Variants in RTL9 observed in about 807,000 individuals in gnomAD.
RTL9 encodes retrotransposon Gag like 9, also known as retrotransposon Gag-like protein 9.
Under a neutral mutation model 44.7 loss-of-function variants are expected in RTL9, and 19 were observed. The ratio of observed to expected loss-of-function variants is 0.42; its 90% CI spans 0.30 to 0.62. The LOEUF (loss-of-function observed/expected upper bound fraction) is 0.62. Among genes scored for constraint, RTL9 ranks in the 20% least tolerant of loss-of-function variants. The pLI is 0.16. For synonymous variants in RTL9, 407 were observed against 398.9 expected (o/e 1.02, Z -0.24); for missense variants, 1,105 against 1,080.6 (o/e 1.02, Z -0.32).
chrX:110,427,880 G>C (rs1437723158), intron 1 of RTL9, among the ~76,000 whole-genome samples: 1 of 111,534 alleles, frequency 9.0e-6, no homozygotes, highest in African/African-American at 3.3e-5. Flanking sequence ...TCCCACTGCT[G>C]TGCCCATCCC....
At chrX:110,405,734 A>G (rs909812002) in intron 1 of RTL9, among the ~76,000 whole-genome samples, 1 of 111,462 alleles carries the variant, frequency 9.0e-6, no homozygotes, top group African/African-American at 3.3e-5. Flanking sequence ...CTCAATTTCC[A>G]TAGGAGGAAA....
chrX:110,440,539 G>A (rs145806977), intron 1 of RTL9, among the ~76,000 whole-genome samples: 1,278 of 111,770 alleles, frequency 0.011, 14 homozygotes, highest in Non-Finnish European at 0.018. Context: ...GAAGTTGGTG[G>A]CAGTGTCAGA....
chrX:110,391,921 A>G (rs1245468622), intron 1 of RTL9, among the ~76,000 whole-genome samples: 1 of 112,401 alleles, frequency 8.9e-6, no homozygotes. Context: ...AATGTGAAAA[A>G]ATAATATGCT....
chrX:110,446,816 T>G (rs1298680018), upstream of RTL9, among the ~76,000 whole-genome samples: 1 of 112,073 alleles, frequency 8.9e-6, no homozygotes, highest in Non-Finnish European at 1.9e-5. Context: ...TGTTCTAACA[T>G]TAGACACTTA....
chrX:110,427,081 C>G (rs775040138), intron 1 of RTL9, among the ~76,000 whole-genome samples: 51 of 112,056 alleles, frequency 4.6e-4, no homozygotes, highest in African/African-American at 1.5e-3. Context: ...CCTAAGCATT[C>G]CTTGCATGTC....
intron 1 of RTL9, among the ~76,000 whole-genome samples, chrX:110,405,101 C>CG (rs1556161295): frequency 1.0e-5 from 1 of 96,173 alleles, no homozygotes; most frequent in Non-Finnish European, 2.1e-5. Context: ...CCCCCCCCCC[C>CG]AAGCATGAGT....
intron 1 of RTL9, among the ~76,000 whole-genome samples, chrX:110,398,412 C>T (rs2148293825): frequency 8.9e-6 from 1 of 112,460 alleles, no homozygotes; most frequent in East Asian, 2.8e-4. Context: ...TGCCCTTCTT[C>T]CCATTAAAAA....
intron 1 of RTL9, among the ~76,000 whole-genome samples, chrX:110,389,991 G>A (rs988102961): frequency 8.9e-6 from 1 of 111,866 alleles, no homozygotes; most frequent in African/African-American, 3.2e-5. Flanking sequence ...TATTGGAAGT[G>A]TGTGAAGTGT....
At chrX:110,397,601 A>G (rs2068536353) in intron 1 of RTL9, among the ~76,000 whole-genome samples, 1 of 111,039 alleles carries the variant, frequency 9.0e-6, no homozygotes, top group Non-Finnish European at 1.9e-5. Flanking sequence ...AAAGAGACAC[A>G]GTCACTGCTG....
At chrX:110,382,918 C>T (rs1201004682) in intron 1 of RTL9, among the ~76,000 whole-genome samples, 1 of 112,002 alleles carries the variant, frequency 8.9e-6, no homozygotes, top group Non-Finnish European at 1.9e-5. Flanking sequence ...TACTCTCTTG[C>T]TTATAAACCT....
At chrX:110,385,363 ATC>A (rs2068447996) in intron 1 of RTL9, among the ~76,000 whole-genome samples, 1 of 111,858 alleles carries the variant, frequency 8.9e-6, no homozygotes, top group Non-Finnish European at 1.9e-5. Flanking sequence ...TGTGAATTAT[ATC>A]TCAATAAATT....
At chrX:110,397,971 C>T (rs375115962) in intron 1 of RTL9, among the ~76,000 whole-genome samples, 31 of 112,367 alleles carry the variant, frequency 2.8e-4, no homozygotes, top group African/African-American at 9.7e-4. Flanking sequence ...GGGTGGAGCA[C>T]GAACCCGCTT....
intron 1 of RTL9, among the ~76,000 whole-genome samples, chrX:110,378,170 G>A (rs1037248308): frequency 9.0e-6 from 1 of 111,245 alleles, no homozygotes; most frequent in South Asian, 3.8e-4. Flanking sequence ...GCTCAGCTTT[G>A]GGGCTGTAAA....
chrX:110,364,390 A>C (rs1231476330), intron 1 of RTL9, among the ~76,000 whole-genome samples: 1 of 111,015 alleles, frequency 9.0e-6, no homozygotes, highest in Non-Finnish European at 1.9e-5. Context: ...ACACAATTCA[A>C]CCCACTATGT....
chrX:110,441,394 G>A (rs2068878814), intron 1 of RTL9, among the ~76,000 whole-genome samples: 1 of 111,919 alleles, frequency 8.9e-6, no homozygotes, highest in South Asian at 3.7e-4. Flanking sequence ...TAGGCACTAT[G>A]AGCTTCATGT....
exon 1 of RTL9, chrX:110,452,991 G>C: frequency 5.0e-6 from 6 of 1,211,557 alleles, no homozygotes; most frequent in Non-Finnish European, 5.6e-6. Context: ...ATCCTCTGGA[G>C]AGATGTCCCT....
intron 1 of RTL9, among the ~76,000 whole-genome samples, chrX:110,410,504 C>T (rs1011787624): frequency 9.0e-6 from 1 of 111,620 alleles, no homozygotes; most frequent in Non-Finnish European, 1.9e-5. Context: ...ACACTTTGAC[C>T]GAAAATCTCC....
rs1031379926 is a variant in RTL9 at position 110,453,285 on chromosome X, C to T, written c.2668C>T (p.Arg890Ter). The T allele has an allele frequency of 1.7e-6, 2 of 1,208,641 alleles. No individual in the cohort carries two copies. The highest frequency in any genetic ancestry group is 2.2e-6 in the Non-Finnish European group (2 of 894,668). Reference sequence around the variant, plus strand: ...TGGAGACATGTGCACACTACCAGTGCGAGCCCCAGCCTCTGGAGGGGTGTC... The same window carrying T: ...TGGAGACATGTGCACACTACCAGTGTGAGCCCCAGCCTCTGGAGGGGTGTC... The change falls in exon 1 of 2, where the codon CGA becomes TGA. Residue 890 changes from arginine to a stop codon, truncating the protein, a stop_gained. Transcript: ENST00000540313. LOFTEE classifies it high-confidence loss of function.
At chrX:110,447,111 C>CTTTTTTTTTTTTTTT (rs1181988453), upstream of RTL9, among the ~76,000 whole-genome samples, 5 of 36,835 alleles carry the variant, frequency 1.4e-4, 1 homozygote, top group African/African-American at 3.1e-4. Flanking sequence ...TATTCTGTGA[C>CTTTTTTTTTTTTTTT]TTTTTTTTTT....
Sources: allele counts gnomAD v4.1 joint callset (sites outside exome capture counted in the v4.1 genomes callset), GRCh38; gene constraint gnomAD v4.1.1; transcripts MANE v1.5; gene names NCBI Gene and HGNC (gene_info 2026-07-23, HGNC 2026-07-21).